Variants in WWTR1 observed in about 807,000 individuals in gnomAD.
WWTR1 encodes WW domain-containing transcription regulator protein 1.
In WWTR1, 13 loss-of-function variants were observed where a neutral mutation model predicts 40.1. The ratio of observed to expected loss-of-function variants is 0.32; its 90% CI spans 0.21 to 0.52. WWTR1 has a LOEUF of 0.52. Ranked by LOEUF, WWTR1 falls within the 20% of genes least tolerant of loss-of-function variation. The pLI is 0.97. For missense variants in WWTR1, 436 were observed against 523.1 expected (o/e 0.83, Z 1.63); for synonymous variants, 230 against 210.1 (o/e 1.09, Z -0.82).
intron 5 of WWTR1, among the ~76,000 whole-genome samples, chr3:149,716,970 G>A (rs574383556): frequency 1.1e-4 from 17 of 152,286 alleles, no homozygotes; most frequent in African/African-American, 4.1e-4. Flanking sequence ...TGAGCCCAGA[G>A]TTCGAGACCA....
chr3:149,594,950 C>CTTTTTTTTTTTTTTTTTTTT (rs563658190), intron 2 of WWTR1, among the ~76,000 whole-genome samples: 1 of 61,772 alleles, frequency 1.6e-5, no homozygotes, highest in Non-Finnish European at 3.4e-5. Context: ...CTCTTTTTTA[C>CTTTTTTTTTTTTTTTTTTTT]TTTTTTTTTT....
At chr3:149,530,796 C>T (rs775645727) in intron 4 of WWTR1, among the ~76,000 whole-genome samples, 34 of 152,154 alleles carry the variant, frequency 2.2e-4, no homozygotes, top group Non-Finnish European at 4.0e-4. Context: ...CCTAACTACC[C>T]TGAAGACTTA....
intron 2 of WWTR1, among the ~76,000 whole-genome samples, chr3:149,665,506 T>C (rs539641759): frequency 5.3e-5 from 8 of 152,274 alleles, no homozygotes; most frequent in Non-Finnish European, 1.0e-4. Context: ...ATTACAGGCA[T>C]GAGTTACTGC....
rs149622819 is a variant in WWTR1 at position 149,719,155 on chromosome 3, A to G, written n.460-1589T>C. ...TTTTCTTCCTTTTTAAGGCTGAATAATATTCTTTTTCTTTTTTTTTTTTTC... is the reference window on the plus strand; with the variant it reads ...TTTTCTTCCTTTTTAAGGCTGAATAGTATTCTTTTTCTTTTTTTTTTTTTC... On this transcript the variant is annotated intron_variant and non_coding_transcript_variant, in intron 4 of 6. Transcript: ENST00000474080. 3.5e-3 allele frequency among the ~76,000 whole-genome samples: 501 copies of G among 145,178 alleles called. 10 individuals are homozygous for G. The highest frequency in any genetic ancestry group is 0.028 in the Admixed American group (402 of 14,478).
At position 149,574,866 on chromosome 3, in the gene WWTR1, G is replaced by A. The variant is rs758812180; in HGVS notation, c.432-1866C>T. 2.6e-5 allele frequency among the ~76,000 whole-genome samples: 4 copies of A among 151,670 alleles called. No individual in the cohort carries two copies. The East Asian group carries it at 5.8e-4, about 22-fold the overall frequency. On this transcript the variant is annotated intron_variant, in intron 2 of 6. Transcript: ENST00000360632. Reference sequence around the variant, plus strand: ...TCCCAGCACTTTGGGAGGCCGAGGCGGGTGGATCACCACAGGTCAAGAGTT... The same window carrying A: ...TCCCAGCACTTTGGGAGGCCGAGGCAGGTGGATCACCACAGGTCAAGAGTT...
chr3:149,654,798 G>C (rs1713099179), intron 2 of WWTR1, among the ~76,000 whole-genome samples: 1 of 152,150 alleles, frequency 6.6e-6, no homozygotes, highest in South Asian at 2.1e-4. Flanking sequence ...ATACGTATGT[G>C]TGTATATATT....
chr3:149,666,614 C>G (rs1475544381), intron 2 of WWTR1, among the ~76,000 whole-genome samples: 1 of 152,146 alleles, frequency 6.6e-6, no homozygotes. Context: ...AAAACAACTT[C>G]ACATGTACAG....
At chr3:149,678,788 G>T (rs1576637611) in intron 1 of WWTR1, among the ~76,000 whole-genome samples, 1 of 151,742 alleles carries the variant, frequency 6.6e-6, no homozygotes, top group East Asian at 1.9e-4. Context: ...ACTTTCCAAG[G>T]TCCTGGAGGA....
chr3:149,583,006 A>C (rs74452702), intron 2 of WWTR1, among the ~76,000 whole-genome samples: 79,940 of 152,068 alleles, frequency 0.53, 21,824 homozygotes, highest in African/African-American at 0.66. Flanking sequence ...CACTCTTTCA[A>C]CCAGGCTGGA....
At chr3:149,691,808 A>G (rs1299292782) in intron 1 of WWTR1, among the ~76,000 whole-genome samples, 3 of 152,048 alleles carry the variant, frequency 2.0e-5, no homozygotes, top group Non-Finnish European at 4.4e-5. Flanking sequence ...CGAGGTCAGG[A>G]GATCGAGACC....
intron 3 of WWTR1, among the ~76,000 whole-genome samples, chr3:149,558,356 G>A (rs1736936790): frequency 6.6e-6 from 1 of 152,156 alleles, no homozygotes; most frequent in Non-Finnish European, 1.5e-5. Context: ...AATGTTCTGT[G>A]AAGCTTAACT....
In WWTR1 at chr3:149,657,279, G is replaced by A; in HGVS notation, c.28C>T (p.Leu10Phe). 2 of 1,612,772 alleles carry A rather than the reference G, an allele frequency of 1.2e-6. No homozygotes were observed. Among genetic ancestry groups the A allele is most frequent in the Non-Finnish European group, 1.7e-6 (2 of 1,179,432 alleles). MNPASAPPP[L>F]PPPGQQVIHV... ...ATCACTTGCTGCCCAGGCGGCGGGA[G>A]CGGAGGGGGCGCCGAGGCCGGATTC... Residue 10 changes from leucine to phenylalanine, a missense_variant, in exon 2 of 7, where the codon CTC becomes TTC. Coordinates refer to ENST00000360632, the MANE Select transcript of WWTR1 (RefSeq NM_015472.6).
In WWTR1 at chr3:149,672,782, C is replaced by CT. The variant is rs34174367; in HGVS notation, c.-107-2892dup. The stretch of plus-strand genomic sequence containing the variant: ...GGATGGTAATGGAAGAAGTTTTTTC[C>CT]TTTTTTTTTTTTTTTTTAAGAAATA... On this transcript the variant is annotated intron_variant, in intron 1 of 7. Coordinates refer to the WWTR1 transcript ENST00000465804. 0.013 allele frequency among the ~76,000 whole-genome samples: 1,628 copies of CT among 129,274 alleles called. 66 individuals are homozygous for CT. The East Asian group carries it at 0.14, about 11-fold the overall frequency. The allele number at this position is 129,274 out of a possible 152,430, so 84.8% of individuals were successfully genotyped here. A position where few individuals can be genotyped will look rare whatever the true frequency, so the allele number is the denominator to read the frequency against.
Position 149,519,934 on chromosome 3 carries a change from A to G in WWTR1, c.*871T>C, listed in dbSNP as rs1734962416. 6.6e-6 allele frequency: 1 copy of G among 151,502 alleles called. No individual in the cohort carries two copies. Among genetic ancestry groups the G allele is most frequent in the Admixed American group, 6.6e-5 (1 of 15,132 alleles). 9.4% of individuals were successfully genotyped at this position (151,502 alleles called of 1,614,324 possible). A position where few individuals can be genotyped will look rare whatever the true frequency, so the allele number is the denominator to read the frequency against. ...TTCCAGCCTGGACAACAAGAGCAAA[A>G]CTCGATCTCAAAAACAAACAAACAA... On this transcript the variant is annotated 3_prime_UTR_variant, in exon 7 of 7. Coordinates refer to ENST00000360632, the MANE Select transcript of WWTR1 (RefSeq NM_015472.6).
At chr3:149,626,858 A>G (rs1740569562) in intron 2 of WWTR1, among the ~76,000 whole-genome samples, 1 of 152,160 alleles carries the variant, frequency 6.6e-6, no homozygotes, top group Non-Finnish European at 1.5e-5. Context: ...CTCCGTCCTG[A>G]GGCCACCAAG....
chr3:149,560,321 A>T (rs1737029259), intron 3 of WWTR1, among the ~76,000 whole-genome samples: 1 of 152,224 alleles, frequency 6.6e-6, no homozygotes, highest in South Asian at 2.1e-4. Flanking sequence ...GAGAGGAGAA[A>T]GCACAAGCAA....
rs1335019729 is a variant in WWTR1, at chr3:149,568,555, AAAAAAC to A, written c.568+4303_568+4308del. On this transcript the variant is annotated intron_variant, in intron 3 of 6. Transcript: ENST00000360632. ...AAAAAAAAAAAAAAAAAAAAAAAAA[AAAAAAC>A]CATATTTTTGCAATTTTCCCCTTCA... Among the ~76,000 whole-genome samples, 14 of 140,428 alleles carry A rather than the reference AAAAAAC, an allele frequency of 1.0e-4. 1 individual carries two copies. The highest frequency in any genetic ancestry group is 4.3e-4 in the Admixed American group (6 of 14,112). The allele number at this position is 140,428 out of a possible 152,430, so 92.1% of individuals were successfully genotyped here.
rs1336705566 is a variant in WWTR1, at chr3:149,584,293, G to A, written c.432-11293C>T. 2.0e-5 allele frequency among the ~76,000 whole-genome samples: 3 copies of A among 152,132 alleles called. No individual in the cohort carries two copies. In the East Asian group the frequency reaches 5.8e-4, roughly 29 times the overall value. On this transcript the variant is annotated intron_variant, in intron 2 of 6. Transcript: ENST00000360632. Reference sequence around the variant, plus strand: ...TCTTTAAAACCAAAAATTCTTTTGGGTTAGGCTAGCTTCTCCTCTATTCAT... The same window carrying A: ...TCTTTAAAACCAAAAATTCTTTTGGATTAGGCTAGCTTCTCCTCTATTCAT...
chr3:149,614,840 G>A (rs1167826683), intron 2 of WWTR1, among the ~76,000 whole-genome samples: 4 of 152,154 alleles, frequency 2.6e-5, no homozygotes, highest in East Asian at 1.9e-4. Context: ...AAAATTAGCC[G>A]GGTATGGTGG....
Sources: gnomAD v4.1 joint callset for allele counts (sites outside exome capture counted in the v4.1 genomes callset) on GRCh38, gnomAD v4.1.1 for gene constraint, MANE v1.5 for transcripts, NCBI Gene and HGNC (gene_info 2026-07-23, HGNC 2026-07-21) for gene names.